CEP89: variants seen among roughly 807,000 people sequenced by gnomAD.
CEP89 encodes the protein centrosomal protein 89.
CEP89 carries 95 observed loss-of-function variants against 97.6 expected under a neutral mutation model. The ratio of observed to expected loss-of-function variants is 0.97; its 90% CI spans 0.82 to 1.15. The LOEUF (loss-of-function observed/expected upper bound fraction) is 1.15, where lower values mean the gene tolerates loss of function less well. Among genes scored for constraint, CEP89 ranks in the 50% most tolerant of loss-of-function variants. CEP89 has a pLI of 0.00. For synonymous variants in CEP89, 354 were observed against 349.1 expected (o/e 1.01, Z -0.16); for missense variants, 869 against 947.7 (o/e 0.92, Z 1.09).
chr19:32,924,443 C>G (rs73051162), intron 11 of CEP89, among the ~76,000 whole-genome samples: 23,091 of 152,168 alleles, frequency 0.15, 2,067 homozygotes, highest in Non-Finnish European at 0.21. Context: ...CAGCTCCCAA[C>G]AGTCTGTGTG....
At chr19:32,911,762 C>A (rs977054206) in intron 14 of CEP89, among the ~76,000 whole-genome samples, 2 of 152,192 alleles carry the variant, frequency 1.3e-5, no homozygotes, top group African/African-American at 4.8e-5. Context: ...CCAAGCTTCA[C>A]ATGCACTAGC....
intron 16 of CEP89, among the ~76,000 whole-genome samples, chr19:32,896,785 T>C (rs1057221199): frequency 9.9e-5 from 15 of 151,858 alleles, no homozygotes; most frequent in Non-Finnish European, 2.1e-4. Flanking sequence ...CTCTCTTTTT[T>C]TTTTTAAGGA....
chr19:32,885,421 A>G (rs1364466168), intron 17 of CEP89, among the ~76,000 whole-genome samples: 1 of 152,178 alleles, frequency 6.6e-6, no homozygotes, highest in Non-Finnish European at 1.5e-5. Context: ...CCTGGGCTCA[A>G]TCAATCCTCC....
chr19:32,895,719 C>G (rs777905181), intron 16 of CEP89, among the ~76,000 whole-genome samples: 2 of 149,992 alleles, frequency 1.3e-5, no homozygotes, highest in Non-Finnish European at 3.0e-5. Flanking sequence ...TTAGAAAAAA[C>G]TAGACTTCAC....
At chr19:32,922,566 C>T (rs1303080273) in intron 12 of CEP89, among the ~76,000 whole-genome samples, 6 of 146,352 alleles carry the variant, frequency 4.1e-5, no homozygotes, top group African/African-American at 7.6e-5. Context: ...GAAACAGAGA[C>T]GCCAGGCGCA....
chr19:32,942,546 A>G (rs149762556), intron 5 of CEP89, among the ~76,000 whole-genome samples: 76 of 152,336 alleles, frequency 5.0e-4, no homozygotes, highest in African/African-American at 1.8e-3. Flanking sequence ...ATGCTATTTT[A>G]TCTTAGTCAT....
chr19:32,926,829 TG>T (rs1970368228), intron 10 of CEP89, 104 bp downstream of exon 10: 1 of 944,132 alleles, frequency 1.1e-6, no homozygotes, highest in Non-Finnish European at 1.7e-6. Context: ...TCCAAAGTGC[TG>T]GGATTACAGA....
At chr19:32,929,601 TA>T (rs71338599) in intron 9 of CEP89, among the ~76,000 whole-genome samples, 3,384 of 140,826 alleles carry the variant, frequency 0.024, 117 homozygotes, top group African/African-American at 0.077. Flanking sequence ...AGACTGTGTC[TA>T]AAAAAAAAAA....
chr19:32,941,441 T>C (rs1970685129), intron 5 of CEP89, among the ~76,000 whole-genome samples: 1 of 152,064 alleles, frequency 6.6e-6, no homozygotes, highest in Admixed American at 6.6e-5. Context: ...AGGCAGAGGT[T>C]GCAGTGAGCC....
chr19:32,898,493 G>A (rs1024477984), intron 16 of CEP89, among the ~76,000 whole-genome samples: 4 of 152,152 alleles, frequency 2.6e-5, no homozygotes, highest in East Asian at 1.9e-4. Context: ...TATCATGTTC[G>A]ACAGCAGAGT....
chr19:32,955,688 A>G (rs1439548407), intron 3 of CEP89, among the ~76,000 whole-genome samples: 1 of 151,694 alleles, frequency 6.6e-6, no homozygotes, highest in African/African-American at 2.4e-5. Context: ...TAATTTTTGT[A>G]TTTTTAGTAG....
At chr19:32,948,615 C>T (rs753212541) in intron 4 of CEP89, among the ~76,000 whole-genome samples, 2 of 152,228 alleles carry the variant, frequency 1.3e-5, no homozygotes, top group African/African-American at 4.8e-5. Flanking sequence ...GCTAAGGCCA[C>T]TGAGAGCTCC....
chr19:32,923,846 A>T (rs1228051237), intron 11 of CEP89, among the ~76,000 whole-genome samples: 2 of 152,210 alleles, frequency 1.3e-5, no homozygotes, highest in Non-Finnish European at 2.9e-5. Context: ...ACTGATAGAA[A>T]AGGCAGAGAT....
intron 14 of CEP89, among the ~76,000 whole-genome samples, chr19:32,908,317 C>A (rs1969929927): frequency 6.6e-6 from 1 of 152,156 alleles, no homozygotes; most frequent in Non-Finnish European, 1.5e-5. Flanking sequence ...TGGAGAAAGA[C>A]CTTTGTGGCT....
chr19:32,907,230 G>A lies in CEP89; in HGVS notation c.1566-5818C>T, dbSNP rs117211721. Among the ~76,000 whole-genome samples the A allele has an allele frequency of 3.0e-3, 460 of 152,234 alleles. 5 individuals are homozygous for A. The highest frequency in any genetic ancestry group is 0.027 in the East Asian group (140 of 5,166). On this transcript the variant is annotated intron_variant, in intron 14 of 18. Coordinates refer to ENST00000305768, the MANE Select transcript of CEP89 (RefSeq NM_032816.5). ...TTAATAATTAGCCCCGCACGATGGC[G>A]CGTGACTATAGTCCCAGCCACTGGG...
intron 9 of CEP89, among the ~76,000 whole-genome samples, chr19:32,927,535 C>T (rs1970386582): frequency 6.6e-6 from 1 of 152,126 alleles, no homozygotes; most frequent in South Asian, 2.1e-4. Context: ...TATTTTCCCA[C>T]TAATGTTCTT....
At chr19:32,958,586 G>T (rs1420280560) in intron 3 of CEP89, among the ~76,000 whole-genome samples, 2 of 152,202 alleles carry the variant, frequency 1.3e-5, no homozygotes, top group African/African-American at 4.8e-5. Flanking sequence ...GACTGAGGCA[G>T]GAGAATCGCT....
rs577323633 is a variant in CEP89, at chr19:32,953,248, C to T, written c.492+367G>A. 4.6e-5 allele frequency among the ~76,000 whole-genome samples: 7 copies of T among 151,102 alleles called. No homozygotes were observed. In the East Asian group the frequency reaches 5.9e-4, roughly 13 times the overall value. ...AAGCACGTCAGCTCCCATTGAGACA[C>T]GCATGACGATCTTCCCCGTCAGGCA... On this transcript the variant is annotated intron_variant, in intron 4 of 18. Coordinates refer to ENST00000305768, the MANE Select transcript of CEP89 (RefSeq NM_032816.5).
At chr19:32,910,274 AGAGAGAGAGAGAGAGC>A (rs1307232331) in intron 14 of CEP89, among the ~76,000 whole-genome samples, 1 of 145,788 alleles carries the variant, frequency 6.9e-6, no homozygotes, top group Non-Finnish European at 1.5e-5. Context: ...TCAGAGAGAG[AGAGAGAGAGAGAGAGC>A]GAGAGAGAGA....
Sources: gnomAD v4.1 joint callset for allele counts (sites outside exome capture counted in the v4.1 genomes callset) on GRCh38, gnomAD v4.1.1 for gene constraint, MANE v1.5 for transcripts, NCBI Gene and HGNC (gene_info 2026-07-23, HGNC 2026-07-21) for gene names.